TLE4: variants seen among roughly 807,000 people sequenced by gnomAD.
TLE4 encodes TLE family member 4, transcriptional corepressor, also known as transducin-like enhancer protein 4.
TLE4 carries 8 observed loss-of-function variants against 92.8 expected under a neutral mutation model. The observed-to-expected ratio is 0.09, with a 90% CI of 0.05 to 0.16. The LOEUF is 0.16. Ranked by LOEUF, TLE4 falls within the 10% of genes least tolerant of loss-of-function variation. TLE4 has a pLI of 1.00. For missense variants in TLE4, 675 were observed against 997.6 expected, an observed-to-expected ratio of 0.68 and a Z score of 4.36; for synonymous variants, 371 against 374.1, an observed-to-expected ratio of 0.99 and a Z score of 0.10.
At chr9:79,659,348 T>G (rs1283420393) in intron 8 of TLE4, among the ~76,000 whole-genome samples, 2 of 152,170 alleles carry the variant, frequency 1.3e-5, no homozygotes, top group Non-Finnish European at 2.9e-5. Flanking sequence ...GTATGCTCAT[T>G]TTGCTCCTGT....
chr9:79,585,089 T>G (rs1040258945), intron 4 of TLE4, among the ~76,000 whole-genome samples: 5 of 152,230 alleles, frequency 3.3e-5, no homozygotes, highest in Non-Finnish European at 7.3e-5. Flanking sequence ...GTTTTAGTTC[T>G]TTTCAAGGGA....
intron 4 of TLE4, among the ~76,000 whole-genome samples, chr9:79,588,135 CGT>C (rs71364418): frequency 6.1e-4 from 90 of 146,514 alleles, no homozygotes; most frequent in Admixed American, 9.5e-4. Flanking sequence ...TTTATCCTTG[CGT>C]GTGTGTGTGT....
chr9:79,594,676 C>G (rs973831153), intron 4 of TLE4, among the ~76,000 whole-genome samples: 2 of 152,154 alleles, frequency 1.3e-5, no homozygotes, highest in African/African-American at 2.4e-5. Flanking sequence ...TCTTCGTTCA[C>G]TCCACTCCGA....
intron 4 of TLE4, among the ~76,000 whole-genome samples, chr9:79,591,525 G>C (rs2042522909): frequency 6.6e-6 from 1 of 152,184 alleles, no homozygotes; most frequent in African/African-American, 2.4e-5. Flanking sequence ...GTTGGTCAAG[G>C]GACCATATCT....
intron 7 of TLE4, chr9:79,653,031 G>C: frequency 3.5e-6 from 2 of 571,524 alleles, no homozygotes; most frequent in East Asian, 3.6e-5. Flanking sequence ...TATTGCCTTT[G>C]ATTTCTTGCT....
At chr9:79,707,021 G>A (rs2071779599) in intron 11 of TLE4, 122 bp downstream of exon 11, 3 of 1,563,202 alleles carry the variant, frequency 1.9e-6, no homozygotes, top group Admixed American at 1.8e-5. Flanking sequence ...ATGTATATAT[G>A]TTCGGTATTT....
At chr9:79,632,412 G>A (rs578111297) in intron 6 of TLE4, among the ~76,000 whole-genome samples, 3 of 152,148 alleles carry the variant, frequency 2.0e-5, no homozygotes, top group East Asian at 1.9e-4. Context: ...TCATAGGCCC[G>A]TACTCCTGTT....
chr9:79,671,995 C>CT lies in TLE4; in HGVS notation c.609+17949dup, dbSNP rs773064446. On this transcript the variant is annotated intron_variant, in intron 8 of 19. Transcript: ENST00000376552. ...CTTTTTAGGCCATTGAAACAAAACA[C>CT]TTTTTTTTTTTTTTTTTTTTTTTTT... 3.1e-3 allele frequency among the ~76,000 whole-genome samples: 104 copies of CT among 33,716 alleles called. 24 individuals are homozygous for CT. Among genetic ancestry groups the CT allele is most frequent in the East Asian group, 4.2e-3 (4 of 942 alleles). The allele number at this position is 33,716 out of a possible 152,430, so 22.1% of individuals were successfully genotyped here.
At chr9:79,671,805 C>T (rs1383914846) in intron 8 of TLE4, among the ~76,000 whole-genome samples, 1 of 151,622 alleles carries the variant, frequency 6.6e-6, no homozygotes, top group African/African-American at 2.4e-5. Context: ...AACAGCAGAC[C>T]TGGTTCAGCA....
chr9:79,618,603 A>G (rs916749662), intron 5 of TLE4, among the ~76,000 whole-genome samples: 3 of 152,022 alleles, frequency 2.0e-5, no homozygotes, highest in African/African-American at 7.2e-5. Context: ...ACTGGGTGCC[A>G]AGGAGGATGG....
intron 4 of TLE4, among the ~76,000 whole-genome samples, chr9:79,600,584 G>T (rs1459752597): frequency 6.6e-6 from 1 of 152,194 alleles, no homozygotes; most frequent in African/African-American, 2.4e-5. Flanking sequence ...CAGGGACAGT[G>T]GGGAGGCAGT....
chr9:79,591,017 GGC>G (rs1425252551), intron 4 of TLE4, among the ~76,000 whole-genome samples: 7 of 152,190 alleles, frequency 4.6e-5, no homozygotes, highest in Admixed American at 3.3e-4. Flanking sequence ...GGAATGCAAA[GGC>G]TCTTATTCTT....
chr9:79,637,956 G>C (rs1384774451), intron 6 of TLE4, among the ~76,000 whole-genome samples: 1 of 152,108 alleles, frequency 6.6e-6, no homozygotes, highest in Non-Finnish European at 1.5e-5. Flanking sequence ...TAGTAGAATA[G>C]GATTGTGCAA....
At chr9:79,629,003 G>C (rs1364437385) in intron 6 of TLE4, among the ~76,000 whole-genome samples, 1 of 151,964 alleles carries the variant, frequency 6.6e-6, no homozygotes, top group Non-Finnish European at 1.5e-5. Flanking sequence ...TCTTCCAGGG[G>C]TCAGAAGGGA....
chr9:79,644,295 G>A (rs1168226525), intron 6 of TLE4, among the ~76,000 whole-genome samples: 1 of 151,978 alleles, frequency 6.6e-6, no homozygotes, highest in African/African-American at 2.4e-5. Flanking sequence ...GCTTCCTGAG[G>A]CCTCCCCAGC....
intron 17 of TLE4, among the ~76,000 whole-genome samples, 196 bp from the exon 18 acceptor site, chr9:79,722,255 T>C (rs1295624066): frequency 6.6e-6 from 1 of 152,242 alleles, no homozygotes; most frequent in East Asian, 1.9e-4. Context: ...ATGATGTCAC[T>C]TTTGACTCTG....
intron 8 of TLE4, among the ~76,000 whole-genome samples, chr9:79,674,362 C>T (rs1321058790): frequency 1.3e-5 from 2 of 152,096 alleles, no homozygotes; most frequent in Non-Finnish European, 2.9e-5. Flanking sequence ...CTGGTTCACC[C>T]AGAACATAAG....
intron 14 of TLE4, among the ~76,000 whole-genome samples, chr9:79,714,730 A>G (rs2074124443): frequency 6.6e-6 from 1 of 152,226 alleles, no homozygotes; most frequent in African/African-American, 2.4e-5. Flanking sequence ...TGTGGGCAAG[A>G]CCAGGTGCAT....
chr9:79,648,807 A>G (rs1011078977), intron 6 of TLE4, among the ~76,000 whole-genome samples: 6 of 152,206 alleles, frequency 3.9e-5, no homozygotes, highest in African/African-American at 1.4e-4. Flanking sequence ...ACACATTTTC[A>G]TTTCCAGGTA....
Sources: gnomAD v4.1 joint callset for allele counts (sites outside exome capture counted in the v4.1 genomes callset) on GRCh38, gnomAD v4.1.1 for gene constraint, MANE v1.5 for transcripts, NCBI Gene and HGNC (gene_info 2026-07-23, HGNC 2026-07-21) for gene names.